Variants in CUL1 observed in about 807,000 individuals in gnomAD.
CUL1 encodes the protein cullin-1.
Under a neutral mutation model 118.0 loss-of-function variants are expected in CUL1, and 24 were observed. The observed-to-expected ratio is 0.20, with a 90% CI of 0.15 to 0.29. CUL1 has a LOEUF of 0.29. Among genes scored for constraint, CUL1 ranks in the 10% least tolerant of loss-of-function variants. CUL1 has a pLI of 1.00. For missense variants in CUL1, 361 were observed against 933.8 expected (o/e 0.39, Z 7.99); for synonymous variants, 332 against 340.4 (o/e 0.98, Z 0.27).
At chr7:148,716,836 G>A (rs1798229489) in intron 1 of CUL1, among the ~76,000 whole-genome samples, 1 of 152,158 alleles carries the variant, frequency 6.6e-6, no homozygotes, top group African/African-American at 2.4e-5. Flanking sequence ...TAGATTTGGG[G>A]CTGATTTCAA....
chr7:148,796,732 T>A (rs1409107930), intron 17 of CUL1, among the ~76,000 whole-genome samples: 1 of 152,084 alleles, frequency 6.6e-6, no homozygotes, highest in Non-Finnish European at 1.5e-5. Context: ...GTGTTAGAAC[T>A]CCCTCAGGAG....
intron 2 of CUL1, among the ~76,000 whole-genome samples, chr7:148,731,298 C>T (rs188370340): frequency 7.6e-4 from 116 of 152,252 alleles, no homozygotes; most frequent in East Asian, 3.5e-3. Flanking sequence ...GCTGATTCAA[C>T]GGAGCTTCAG....
chr7:148,728,799 A>AC (rs1279849887), intron 1 of CUL1, among the ~76,000 whole-genome samples: 1 of 152,208 alleles, frequency 6.6e-6, no homozygotes, highest in Non-Finnish European at 1.5e-5. Flanking sequence ...GCATGACCTC[A>AC]CAGGGTCCCT....
intron 1 of CUL1, among the ~76,000 whole-genome samples, chr7:148,721,080 T>C (rs1235731077): frequency 6.6e-6 from 1 of 152,244 alleles, no homozygotes; most frequent in Non-Finnish European, 1.5e-5. Flanking sequence ...AATTCAAGAA[T>C]TTCTGAGCTT....
intron 3 of CUL1, among the ~76,000 whole-genome samples, chr7:148,755,448 A>G (rs748839052): frequency 1.7e-4 from 26 of 152,248 alleles, no homozygotes; most frequent in Non-Finnish European, 1.2e-4. Context: ...TTTGCAAGCT[A>G]ATTGAAAACT....
intron 1 of CUL1, among the ~76,000 whole-genome samples, chr7:148,713,188 T>C (rs1276399017): frequency 6.6e-6 from 1 of 152,188 alleles, no homozygotes; most frequent in East Asian, 1.9e-4. Context: ...GGAAACAAAA[T>C]ACACGCAAGT....
At chr7:148,728,188 G>T (rs1408547989) in intron 1 of CUL1, among the ~76,000 whole-genome samples, 1 of 152,208 alleles carries the variant, frequency 6.6e-6, no homozygotes, top group Non-Finnish European at 1.5e-5. Flanking sequence ...TTTCTGACTT[G>T]TGGATACATG....
At chr7:148,725,679 C>T (rs1044764495) in intron 1 of CUL1, among the ~76,000 whole-genome samples, 1 of 152,180 alleles carries the variant, frequency 6.6e-6, no homozygotes, top group Non-Finnish European at 1.5e-5. Flanking sequence ...CTGTTGCTGC[C>T]CAGCATGTGT....
At chr7:148,778,070 C>CAAAAAAAAAAAAAAAAAAAAAAAAAAA (rs1203417069) in intron 9 of CUL1, among the ~76,000 whole-genome samples, 6 of 13,800 alleles carry the variant, frequency 4.3e-4, no homozygotes, top group African/African-American at 6.8e-4. Flanking sequence ...GACCCTGTCT[C>CAAAAAAAAAAAAAAAAAAAAAAAAAAA]AAAAAAAAAA....
intron 2 of CUL1, among the ~76,000 whole-genome samples, chr7:148,742,919 G>A (rs747550588): frequency 2.0e-5 from 3 of 152,152 alleles, no homozygotes; most frequent in East Asian, 1.9e-4. Flanking sequence ...TACCTTTTCT[G>A]ATATAAGTAT....
At chr7:148,761,811 A>C (rs1799840314) in intron 7 of CUL1, among the ~76,000 whole-genome samples, 1 of 152,226 alleles carries the variant, frequency 6.6e-6, no homozygotes, top group Non-Finnish European at 1.5e-5. Flanking sequence ...CTGTACTAGG[A>C]CAATGGTCCC....
chr7:148,763,305 T>C (rs1423042362), intron 7 of CUL1, among the ~76,000 whole-genome samples: 4 of 152,164 alleles, frequency 2.6e-5, no homozygotes, highest in Non-Finnish European at 4.4e-5. Flanking sequence ...AGGGGATTCA[T>C]TTCTAGAAGA....
chr7:148,740,991 C>G (rs1162082303), intron 2 of CUL1, among the ~76,000 whole-genome samples: 2 of 152,218 alleles, frequency 1.3e-5, no homozygotes, highest in African/African-American at 4.8e-5. Context: ...TTATGGCAGC[C>G]TAAGCCGACT....
intron 20 of CUL1, 55 bp downstream of exon 20, chr7:148,798,732 C>A: frequency 6.9e-7 from 1 of 1,443,136 alleles, no homozygotes; most frequent in Non-Finnish European, 9.8e-7. Context: ...AGGGATGGCT[C>A]GCAAGGACGG....
chr7:148,783,949 A>C (rs1418703974), intron 10 of CUL1, 22 bp from the exon 11 acceptor site: 1 of 1,613,800 alleles, frequency 6.2e-7, no homozygotes, highest in South Asian at 1.1e-5. Flanking sequence ...GTTTGTCTCT[A>C]ACTATATTCC....
chr7:148,708,490 G>A (rs949459148), intron 1 of CUL1, among the ~76,000 whole-genome samples: 17 of 152,186 alleles, frequency 1.1e-4, no homozygotes, highest in African/African-American at 3.9e-4. Context: ...CACGCCTGGC[G>A]ATGCAGTGCG....
chr7:148,741,055 A>G (rs1482312936), intron 2 of CUL1, among the ~76,000 whole-genome samples: 2 of 152,242 alleles, frequency 1.3e-5, no homozygotes, highest in Non-Finnish European at 2.9e-5. Context: ...AATGTTTTCT[A>G]ACTTCATCCA....
intron 1 of CUL1, among the ~76,000 whole-genome samples, chr7:148,721,037 A>C (rs1798380748): frequency 6.6e-6 from 1 of 152,238 alleles, no homozygotes; most frequent in Non-Finnish European, 1.5e-5. Context: ...CCATTCATTT[A>C]AAACTTAAAG....
intron 10 of CUL1, 25 bp downstream of exon 10, chr7:148,783,915 G>C: frequency 6.2e-7 from 1 of 1,613,522 alleles, no homozygotes; most frequent in Non-Finnish European, 8.5e-7. Context: ...GTTGTGACTT[G>C]CCTGTAGTAT....
Sources: gnomAD v4.1 joint callset for allele counts (sites outside exome capture counted in the v4.1 genomes callset) on GRCh38, gnomAD v4.1.1 for gene constraint, MANE v1.5 for transcripts, NCBI Gene and HGNC (gene_info 2026-07-23, HGNC 2026-07-21) for gene names.